DNM3: variants seen among roughly 807,000 people sequenced by gnomAD.
The protein encoded by DNM3 is dynamin-3.
DNM3 carries 47 observed loss-of-function variants against 101.6 expected under a neutral mutation model. The observed-to-expected ratio is 0.46, with a 90% confidence interval of 0.37 to 0.59. The LOEUF is 0.59. Among genes scored for constraint, DNM3 ranks in the 20% least tolerant of loss-of-function variants. DNM3 has a pLI of 0.00. For missense variants in DNM3, 849 were observed against 1,085.7 expected (o/e 0.78, Z 3.06); for synonymous variants, 385 against 387.9 (o/e 0.99, Z 0.09).
intron 13 of DNM3, among the ~76,000 whole-genome samples, chr1:172,129,829 A>C (rs1405178346): frequency 1.3e-5 from 2 of 152,192 alleles, no homozygotes; most frequent in African/African-American, 4.8e-5. Flanking sequence ...TACTATCACT[A>C]TACTTTGAGT....
rs558532536 is a variant in DNM3, at chr1:172,050,919, G to A, written c.1335+2169G>A. Among the ~76,000 whole-genome samples, 5 of 152,080 alleles carry A rather than the reference G, an allele frequency of 3.3e-5. No homozygotes were observed. The South Asian group carries it at 8.3e-4, about 25-fold the overall frequency. On this transcript the variant is annotated intron_variant, in intron 10 of 20. Transcript: ENST00000627582. ...CATTTCCCATTTTATCCAACCTACT[G>A]GAAAGCCAACAGTCAGTTCTGATGG...
At chr1:171,879,944 C>T (rs1012330660) in intron 1 of DNM3, among the ~76,000 whole-genome samples, 6 of 152,204 alleles carry the variant, frequency 3.9e-5, no homozygotes, top group African/African-American at 1.2e-4. Context: ...ATGGAAGTGG[C>T]GCTCATGGTG....
intron 10 of DNM3, among the ~76,000 whole-genome samples, chr1:172,063,574 G>A (rs17346438): frequency 0.17 from 25,120 of 151,514 alleles, 2,737 homozygotes; most frequent in Non-Finnish European, 0.24. Flanking sequence ...TCCTAAAGTC[G>A]TGTATATTAT....
chr1:172,062,884 A>G (rs1047125587), intron 10 of DNM3, among the ~76,000 whole-genome samples: 1 of 152,226 alleles, frequency 6.6e-6, no homozygotes, highest in Non-Finnish European at 1.5e-5. Context: ...TTGTGCGCAG[A>G]TGACTGCCTT....
chr1:171,905,841 T>C (rs567197957), intron 1 of DNM3, among the ~76,000 whole-genome samples: 193 of 151,276 alleles, frequency 1.3e-3, no homozygotes, highest in Non-Finnish European at 1.7e-3. Flanking sequence ...GTGAAAACCA[T>C]GAGTAGGCTT....
In DNM3 at chr1:171,841,510, C is replaced by T. The variant is rs2031171351; in HGVS notation, c.-147C>T. The T allele has an allele frequency of 4.3e-6, 5 of 1,152,040 alleles. No homozygotes were observed. The highest frequency in any genetic ancestry group is 5.8e-6 in the Non-Finnish European group (5 of 860,134). The allele number at this position is 1,152,040 out of a possible 1,614,324, so 71.4% of individuals were successfully genotyped here. On this transcript the variant is annotated 5_prime_UTR_variant, in exon 1 of 21. Transcript: ENST00000627582. ...GTCGTTAGCTGTCAGAGCCAAGCGG[C>T]GGGCTGGCGGCGGGCTCCGACGTCT...
chr1:171,894,942 C>T (rs1348582629), intron 1 of DNM3, among the ~76,000 whole-genome samples: 1 of 152,174 alleles, frequency 6.6e-6, no homozygotes, highest in East Asian at 1.9e-4. Flanking sequence ...CCAGCTTTAT[C>T]TATGTGCCTG....
chr1:172,174,716 A>G (rs1158647899), intron 14 of DNM3, among the ~76,000 whole-genome samples: 2 of 151,718 alleles, frequency 1.3e-5, no homozygotes, highest in African/African-American at 4.8e-5. Context: ...AGACTATCCT[A>G]TGAATGGTAT....
At chr1:172,338,573 T>C (rs1274512668) in intron 17 of DNM3, among the ~76,000 whole-genome samples, 1 of 151,720 alleles carries the variant, frequency 6.6e-6, no homozygotes, top group Non-Finnish European at 1.5e-5. Context: ...GGGGAGTCAT[T>C]CCATTTCCTC....
Position 171,923,206 on chromosome 1 carries a change from C to T in DNM3, c.235+1385C>T, listed in dbSNP as rs114187240. ...CAGTTTTTCTATATCCTTGCTAACC[C>T]TTGTGGGTAAGAAGTGATATCTCAC... On this transcript the variant is annotated intron_variant, in intron 2 of 20. Coordinates refer to ENST00000627582, the MANE Select transcript of DNM3 (RefSeq NM_015569.5). Among the ~76,000 whole-genome samples the T allele has an allele frequency of 2.3e-3, 349 of 152,288 alleles. 7 individuals carry two copies. The highest frequency in any genetic ancestry group is 7.5e-3 in the African/African-American group (311 of 41,564).
Position 172,379,038 on chromosome 1 carries a change from A to T in DNM3, c.1914A>T (p.Gly638=). The T allele has an allele frequency of 6.2e-7, 1 of 1,611,954 alleles. No individual in the cohort carries two copies. Among genetic ancestry groups the T allele is most frequent in the Non-Finnish European group, 8.5e-7 (1 of 1,178,802 alleles). The change falls in exon 18 of 21, where the codon GGA becomes GGT. Residue 638 remains glycine (G), a synonymous_variant. Transcript: ENST00000627582. The stretch of plus-strand genomic sequence containing the variant: ...TTTAGGCTGAAAATGATGAGAATGG[A>T]CAAGCAGAAAACTTTTCCATGGACC... ...GNNKAENDEN[G]QAENFSMDPQ... is the part of the protein sequence containing the mutation.
chr1:172,178,177 C>T (rs1472975093), intron 14 of DNM3, among the ~76,000 whole-genome samples: 1 of 151,872 alleles, frequency 6.6e-6, no homozygotes, highest in Non-Finnish European at 1.5e-5. Context: ...AGTAATAATA[C>T]TGTCATATAA....
intron 1 of DNM3, among the ~76,000 whole-genome samples, chr1:171,904,187 C>T (rs1457609231): frequency 6.6e-6 from 1 of 151,570 alleles, no homozygotes; most frequent in Non-Finnish European, 1.5e-5. Context: ...TGTCACGCAC[C>T]TGTAGTCCCA....
chr1:172,325,471 G>T (rs551379551), intron 17 of DNM3, among the ~76,000 whole-genome samples: 1 of 151,764 alleles, frequency 6.6e-6, no homozygotes, highest in South Asian at 2.1e-4. Flanking sequence ...ATAGTTTGTG[G>T]AAAATATAAT....
At chr1:172,016,062 C>G (rs944025702) in intron 4 of DNM3, among the ~76,000 whole-genome samples, 1 of 151,608 alleles carries the variant, frequency 6.6e-6, no homozygotes, top group African/African-American at 2.4e-5. Context: ...TGCTGGGTGC[C>G]TGTAATCCCA....
intron 2 of DNM3, among the ~76,000 whole-genome samples, chr1:171,926,596 T>C (rs920465339): frequency 2.6e-5 from 4 of 152,204 alleles, no homozygotes; most frequent in African/African-American, 9.6e-5. Flanking sequence ...CTTGGGCCAA[T>C]AGCATACTCT....
At chr1:171,896,841 C>A (rs1306411158) in intron 1 of DNM3, among the ~76,000 whole-genome samples, 1 of 152,044 alleles carries the variant, frequency 6.6e-6, no homozygotes, top group Non-Finnish European at 1.5e-5. Flanking sequence ...ATATATCCTA[C>A]CCAGTGTGAG....
intron 15 of DNM3, among the ~76,000 whole-genome samples, chr1:172,303,534 C>T (rs1287072326): frequency 6.6e-6 from 1 of 152,126 alleles, no homozygotes; most frequent in Non-Finnish European, 1.5e-5. Flanking sequence ...GAGAACACCA[C>T]AAAGATACTC....
At chr1:172,190,796 T>C (rs2059690664) in intron 14 of DNM3, among the ~76,000 whole-genome samples, 1 of 152,236 alleles carries the variant, frequency 6.6e-6, no homozygotes. Context: ...ATGTGTCTGT[T>C]GGTGGCACAA....
Sources: gnomAD v4.1 joint callset for allele counts (sites outside exome capture counted in the v4.1 genomes callset) on GRCh38, gnomAD v4.1.1 for gene constraint, MANE v1.5 for transcripts, NCBI Gene and HGNC (gene_info 2026-07-23, HGNC 2026-07-21) for gene names.